Variants in CLCN2 observed in about 807,000 individuals in gnomAD.
CLCN2 encodes chloride channel protein 2.
A neutral mutation model predicts 108.3 loss-of-function variants in CLCN2; 72 were observed. That is an observed-to-expected ratio of 0.66 (90% CI 0.55 to 0.81). The LOEUF is 0.81. Among genes scored for constraint, CLCN2 ranks in the 30% least tolerant of loss-of-function variants. The pLI, the probability that CLCN2 is intolerant of heterozygous loss-of-function variation, is 0.00. For missense variants in CLCN2, 1,048 were observed against 1,205.2 expected (o/e 0.87, Z 1.93); for synonymous variants, 471 against 467.1 (o/e 1.01, Z -0.11).
intron 9 of CLCN2, 24 bp from the exon 10 acceptor site, chr3:184,357,118 G>C (rs762585333): frequency 6.2e-7 from 1 of 1,608,486 alleles, no homozygotes; most frequent in South Asian, 1.1e-5. Flanking sequence ...AGGCACCTGA[G>C]TGAAAAGGAG....
chr3:184,347,802 A>G (rs986148770), intron 22 of CLCN2: 5 of 152,600 alleles, frequency 3.3e-5, no homozygotes, highest in African/African-American at 1.2e-4. Context: ...GGTCACCCCC[A>G]TCTTCCCATG....
chr3:184,352,054 G>T lies in CLCN2; in HGVS notation c.2374C>A (p.Pro792Thr), dbSNP rs1049613542. ...PVNFSDCKIDPAPFQLVERTS... is the reference protein window; with the variant it reads ...PVNFSDCKIDTAPFQLVERTS... ...CGCTCCACCAGCTGGAAGGGAGCAG[G>T]ATCAATTTTGCAGTCACTGAAGTTG... Residue 792 changes from proline (P) to threonine (T), a missense_variant, in exon 22 of 24, where the codon CCT becomes ACT. By Grantham distance (38) the Pro-to-Thr change is conservative. Transcript: ENST00000265593. The T allele has an allele frequency of 1.9e-6, 3 of 1,613,752 alleles. No individual in the cohort carries two copies. The highest frequency in any genetic ancestry group is 2.7e-5 in the African/African-American group (2 of 74,816).
At chr3:184,347,329 C>A in intron 22 of CLCN2, 2 of 438,504 alleles carry the variant, frequency 4.6e-6, no homozygotes, top group Non-Finnish European at 8.5e-6. Flanking sequence ...CAACTGTTCA[C>A]ACGTGAAATC....
intron 22 of CLCN2, 63 bp downstream of exon 22, chr3:184,351,950 G>A (rs1430745487): frequency 1.6e-6 from 2 of 1,230,386 alleles, no homozygotes; most frequent in Non-Finnish European, 2.4e-6. Flanking sequence ...CTTGTAGGGG[G>A]ACCAAGATCC....
At chr3:184,353,484 C>G in intron 16 of CLCN2, 62 bp from the exon 17 acceptor site, 1 of 1,556,596 alleles carries the variant, frequency 6.4e-7, no homozygotes, top group Non-Finnish European at 8.7e-7. Context: ...CCGTCCTTCT[C>G]TCACACTCAG....
chr3:184,356,050 C>A, intron 10 of CLCN2: 1 of 468,442 alleles, frequency 2.1e-6, no homozygotes, highest in South Asian at 2.1e-5. Flanking sequence ...TCCAAGCCCT[C>A]CCTTGGGGCC....
chr3:184,357,320 TG>T, intron 8 of CLCN2, 41 bp downstream of exon 8: 1 of 1,613,992 alleles, frequency 6.2e-7, no homozygotes, highest in African/African-American at 1.3e-5. Context: ...GCCCCCTACC[TG>T]GCACCATCTC....
At chr3:184,357,542 G>C (rs1728657446) in intron 7 of CLCN2, 55 bp from the exon 8 acceptor site, 1 of 1,613,922 alleles carries the variant, frequency 6.2e-7, no homozygotes, top group South Asian at 1.1e-5. Flanking sequence ...TAAGGCCTCA[G>C]ACCCAGATAA....
Position 184,346,201 on chromosome 3 carries a change from C to T in CLCN2, c.*405G>A, listed in dbSNP as rs1727654939. On this transcript the variant is annotated 3_prime_UTR_variant, in exon 24 of 24. Coordinates refer to ENST00000265593, the MANE Select transcript of CLCN2 (RefSeq NM_004366.6). This position sits in a 1 kb window ranked among gnomAD's most constrained non-coding sequence, Gnocchi z 6.0. ...GCACAAGCATTCTATATATAAGTGG[C>T]TCATTAGGTGTTTATTTTGTTCTAT... 1 of 236,594 alleles carries T rather than the reference C, an allele frequency of 4.2e-6. No homozygotes were observed. Among genetic ancestry groups the T allele is most frequent in the African/African-American group, 2.2e-5 (1 of 44,746 alleles). 14.7% of individuals were successfully genotyped at this position (236,594 alleles called of 1,614,324 possible). A position where few individuals can be genotyped will look rare whatever the true frequency, so the allele number is the denominator to read the frequency against.
chr3:184,349,645 GTATT>G (rs1727950135), intron 22 of CLCN2: 1 of 152,186 alleles, frequency 6.6e-6, no homozygotes, highest in Non-Finnish European at 1.5e-5. Context: ...CATATATTGA[GTATT>G]TACTGTGTGC....
rs1433582558 is a variant in CLCN2 at position 184,354,100 on chromosome 3, C to G, written c.1721+1G>C. 2 of 1,611,672 alleles carry G rather than the reference C, an allele frequency of 1.2e-6. No homozygotes were observed. Among genetic ancestry groups the G allele is most frequent in the Non-Finnish European group, 1.7e-6 (2 of 1,179,660 alleles). On this transcript the variant is annotated splice_donor_variant, in intron 15 of 23. Coordinates refer to ENST00000265593, the MANE Select transcript of CLCN2 (RefSeq NM_004366.6). LOFTEE classifies it high-confidence loss of function. Reference sequence around the variant, plus strand: ...CCCCCTTGGCACCCAGCCCTCCGTACTGGTGGCGGCCCCAGCCGAGCTCAG... The same window carrying G: ...CCCCCTTGGCACCCAGCCCTCCGTAGTGGTGGCGGCCCCAGCCGAGCTCAG...
In CLCN2 at chr3:184,359,102, C is replaced by A. The variant is rs1711651783; in HGVS notation, c.93G>T (p.Gly31=). 2.5e-6 allele frequency: 4 copies of A among 1,613,638 alleles called. No individual in the cohort carries two copies. The highest frequency in any genetic ancestry group is 2.5e-6 in the Non-Finnish European group (3 of 1,180,050). Residue 31 remains glycine (G), a synonymous_variant, in exon 2 of 24, where the codon GGG becomes GGT. Transcript: ENST00000265593. ...GAGCAGCTTCCTCTTTGGCAAAGGC[C>A]CCAAGGTCCTGAGTGTACCGGCCAT... ...LMYGRYTQDL[G]AFAKEEAARI... is the part of the protein sequence containing the mutation.
At chr3:184,352,834 C>A in intron 18 of CLCN2, 24 bp from the exon 19 acceptor site, 1 of 1,612,542 alleles carries the variant, frequency 6.2e-7, no homozygotes, top group Non-Finnish European at 8.5e-7. Flanking sequence ...CATAAGGCCC[C>A]AGGGGGCAAT....
chr3:184,350,941 A>G (rs1728046053), intron 22 of CLCN2, among the ~76,000 whole-genome samples: 1 of 152,186 alleles, frequency 6.6e-6, no homozygotes, highest in Admixed American at 6.5e-5. Flanking sequence ...TTGAGGAGTA[A>G]GATCATTGTG....
At chr3:184,354,833 A>G in intron 13 of CLCN2, 71 bp downstream of exon 13, 1 of 1,534,188 alleles carries the variant, frequency 6.5e-7, no homozygotes, top group Admixed American at 1.7e-5. Flanking sequence ...TCTTGGGCAG[A>G]GGGTTGGCTG....
At chr3:184,347,067 A>G in intron 22 of CLCN2, 46 bp from the exon 23 acceptor site, 1 of 1,536,432 alleles carries the variant, frequency 6.5e-7, no homozygotes, top group South Asian at 1.1e-5. Flanking sequence ...GACGAGGGGC[A>G]GCTCTAAATG....
rs879097776 is a variant in CLCN2 at position 184,358,056 on chromosome 3, A to C, written c.521T>G (p.Val174Gly). Residue 174 changes from valine to glycine, a missense_variant, in exon 5 of 24, where the codon GTG (valine) becomes GGG (glycine). Physicochemically the swap from Val to Gly is moderately radical, Grantham distance 109. Coordinates refer to ENST00000265593, the MANE Select transcript of CLCN2 (RefSeq NM_004366.6). ...GAGTGTGAGGTATTCTTTCAGCACC[A>C]CTCCCCGCAAGATGGTCTTCATCTC... ...IPEMKTILRG[V>G]VLKEYLTLKT... 1 of 1,613,696 alleles carries C rather than the reference A, an allele frequency of 6.2e-7. No homozygotes were observed. Among genetic ancestry groups the C allele is most frequent in the Non-Finnish European group, 8.5e-7 (1 of 1,179,992 alleles).
chr3:184,354,468 G>C (rs1560259247), intron 14 of CLCN2, 80 bp downstream of exon 14: 1 of 1,369,286 alleles, frequency 7.3e-7, no homozygotes, highest in Non-Finnish European at 1.0e-6. Context: ...CTGCCAGCAG[G>C]GGGCACCAGA....
intron 22 of CLCN2, among the ~76,000 whole-genome samples, chr3:184,350,067 A>C (rs1727980174): frequency 6.6e-6 from 1 of 152,216 alleles, no homozygotes; most frequent in Non-Finnish European, 1.5e-5. Context: ...TTATGTTCTT[A>C]TCACTTCTAG....
Sources: gnomAD v4.1 joint callset for allele counts (sites outside exome capture counted in the v4.1 genomes callset) on GRCh38, gnomAD v4.1.1 for gene constraint, Gnocchi (gnomAD v3.1) non-coding constraint, MANE v1.5 for transcripts, NCBI Gene and HGNC (gene_info 2026-07-23, HGNC 2026-07-21) for gene names.